Variants in CADM2 observed in about 807,000 individuals in gnomAD.
CADM2 encodes immunoglobulin superfamily member 4D.
Under a neutral mutation model 49.8 loss-of-function variants are expected in CADM2, and 12 were observed. That is an observed-to-expected ratio of 0.24 (90% confidence interval 0.15 to 0.39). CADM2 has a LOEUF of 0.39. Ranked by LOEUF, CADM2 falls within the 10% of genes least tolerant of loss-of-function variation. The pLI, the probability that CADM2 is intolerant of heterozygous loss-of-function variation, is 1.00. For synonymous variants in CADM2, 214 were observed against 175.4 expected, an observed-to-expected ratio of 1.22 and a Z score of -1.74; for missense variants, 378 against 492.3, an observed-to-expected ratio of 0.77 and a Z score of 2.20.
At chr3:85,958,693 A>C (rs1311759043) in intron 7 of CADM2, among the ~76,000 whole-genome samples, 4 of 152,018 alleles carry the variant, frequency 2.6e-5, no homozygotes, top group Admixed American at 2.6e-4. Flanking sequence ...TGTGGCATAT[A>C]TACACCATGG....
chr3:85,692,809 T>G (rs1403160846), intron 1 of CADM2, among the ~76,000 whole-genome samples: 1 of 152,230 alleles, frequency 6.6e-6, no homozygotes, highest in Non-Finnish European at 1.5e-5. Context: ...ACTTCAACAC[T>G]TATCCAATTC....
intron 1 of CADM2, among the ~76,000 whole-genome samples, chr3:85,444,644 T>G (rs913263303): frequency 5.9e-5 from 9 of 152,126 alleles, no homozygotes; most frequent in Non-Finnish European, 1.0e-4. Context: ...GTTCCTATCC[T>G]CCTGTCCTAC....
intron 1 of CADM2, among the ~76,000 whole-genome samples, chr3:85,613,172 T>A (rs1190231371): frequency 6.6e-6 from 1 of 151,780 alleles, no homozygotes; most frequent in Non-Finnish European, 1.5e-5. Context: ...AATGTGAGAA[T>A]ACAAAGAGAA....
chr3:85,026,860 T>C (rs1421244926), intron 1 of CADM2, among the ~76,000 whole-genome samples: 1 of 152,060 alleles, frequency 6.6e-6, no homozygotes, highest in East Asian at 1.9e-4. Flanking sequence ...AAAATGGAGA[T>C]ACTTTACTGT....
At chr3:85,137,613 A>T (rs2039455041) in intron 1 of CADM2, among the ~76,000 whole-genome samples, 1 of 152,182 alleles carries the variant, frequency 6.6e-6, no homozygotes, top group South Asian at 2.1e-4. Flanking sequence ...TAATTTTCAC[A>T]ACTTTCTGAG....
At chr3:85,455,388 A>G (rs1010271514) in intron 1 of CADM2, among the ~76,000 whole-genome samples, 3 of 152,222 alleles carry the variant, frequency 2.0e-5, no homozygotes, top group Admixed American at 2.0e-4. Context: ...CAGGTTTTAT[A>G]TTGTGATCAA....
At chr3:85,623,926 A>T (rs187473639) in intron 1 of CADM2, among the ~76,000 whole-genome samples, 49 of 152,216 alleles carry the variant, frequency 3.2e-4, no homozygotes, top group African/African-American at 1.2e-3. Context: ...GAGAAAAAAA[A>T]TGTTAAGGAT....
chr3:85,516,543 GATTTTAGTAATACAACC>G (rs1284322089), intron 1 of CADM2, among the ~76,000 whole-genome samples: 1 of 152,028 alleles, frequency 6.6e-6, no homozygotes, highest in African/African-American at 2.4e-5. Flanking sequence ...AATTACCAGA[GATTTTAGTAATACAACC>G]ATTAGTTTCA....
chr3:85,280,561 A>G (rs2043475045), intron 1 of CADM2, among the ~76,000 whole-genome samples: 1 of 151,560 alleles, frequency 6.6e-6, no homozygotes, highest in African/African-American at 2.4e-5. Context: ...GAGATCTTTG[A>G]CTTTCCTGGA....
intron 1 of CADM2, among the ~76,000 whole-genome samples, chr3:85,668,741 A>C (rs1299367838): frequency 6.6e-6 from 1 of 152,104 alleles, no homozygotes; most frequent in Non-Finnish European, 1.5e-5. Context: ...TTTCTTTTGT[A>C]AATTGCCCAG....
In CADM2 at chr3:85,189,402, T is replaced by C. The variant is rs6772148; in HGVS notation, c.61+229734T>C. On this transcript the variant is annotated intron_variant, in intron 1 of 9. Coordinates refer to ENST00000383699, the MANE Select transcript of CADM2 (RefSeq NM_001167675.2). ...CATACCCAATAATCCAAAGCTAAAG[T>C]GAACCAGGGATTTGAGGCAATTATG... 4.9e-3 allele frequency among the ~76,000 whole-genome samples: 744 copies of C among 152,184 alleles called. 10 individuals are homozygous for C. The highest frequency in any genetic ancestry group is 0.017 in the African/African-American group (705 of 41,530).
chr3:85,451,586 A>G (rs2037750528), intron 1 of CADM2, among the ~76,000 whole-genome samples: 1 of 152,038 alleles, frequency 6.6e-6, no homozygotes, highest in Admixed American at 6.6e-5. Flanking sequence ...AGGTTCATCA[A>G]CTCATTGTCT....
At chr3:85,997,297 A>G (rs1729548123) in intron 8 of CADM2, among the ~76,000 whole-genome samples, 1 of 152,188 alleles carries the variant, frequency 6.6e-6, no homozygotes, top group Non-Finnish European at 1.5e-5. Context: ...GCATAACTAT[A>G]ACTTAATTTT....
intron 1 of CADM2, among the ~76,000 whole-genome samples, chr3:85,275,614 A>G (rs553806491): frequency 4.2e-4 from 64 of 151,264 alleles, no homozygotes; most frequent in African/African-American, 1.5e-3. Flanking sequence ...AGTTACATGC[A>G]TTTTTTCCAT....
intron 1 of CADM2, among the ~76,000 whole-genome samples, chr3:85,379,066 G>T (rs1469791000): frequency 6.6e-6 from 1 of 151,828 alleles, no homozygotes; most frequent in East Asian, 1.9e-4. Flanking sequence ...TAAGATGAAT[G>T]GCTAAAGTTT....
intron 1 of CADM2, among the ~76,000 whole-genome samples, chr3:85,168,101 G>A (rs780631979): frequency 2.0e-5 from 3 of 151,906 alleles, no homozygotes; most frequent in Non-Finnish European, 2.9e-5. Flanking sequence ...TGTTTCCCAC[G>A]CTAGAGTGCA....
In CADM2 at chr3:85,212,830, CTTTCT is replaced by C. The variant is rs1559723625; in HGVS notation, c.61+253165_61+253169del. Among the ~76,000 whole-genome samples the C allele has an allele frequency of 8.0e-5, 8 of 99,766 alleles. 1 individual carries two copies. Among genetic ancestry groups the C allele is most frequent in the South Asian group, 3.3e-4 (1 of 3,062 alleles). 65.5% of individuals were successfully genotyped at this position (99,766 alleles called of 152,430 possible). On this transcript the variant is annotated intron_variant, in intron 1 of 9. Coordinates refer to ENST00000383699, the MANE Select transcript of CADM2 (RefSeq NM_001167675.2). ...TTTTCTTCTCTTTCTTTCTTTCTTT[CTTTCT>C]TTCTTTCTTTCTTTCTTTCTTTCTT...
At chr3:85,289,874 G>C (rs2043734619) in intron 1 of CADM2, among the ~76,000 whole-genome samples, 1 of 152,086 alleles carries the variant, frequency 6.6e-6, no homozygotes, top group Non-Finnish European at 1.5e-5. Context: ...TTAAACATCA[G>C]GATATTAGAT....
intron 1 of CADM2, among the ~76,000 whole-genome samples, chr3:85,422,164 T>C (rs1342541963): frequency 9.9e-6 from 1 of 101,366 alleles, no homozygotes; most frequent in African/African-American, 2.9e-5. Context: ...GAACCACATA[T>C]GGATTTTAAT....
Sources: gnomAD v4.1 joint callset for allele counts (sites outside exome capture counted in the v4.1 genomes callset) on GRCh38, gnomAD v4.1.1 for gene constraint, MANE v1.5 for transcripts, NCBI Gene and HGNC (gene_info 2026-07-23, HGNC 2026-07-21) for gene names.